EFNA5: variants seen among roughly 807,000 people sequenced by gnomAD.
EFNA5 encodes the protein ephrin A5, also known as ephrin-A5.
A neutral mutation model predicts 22.9 loss-of-function variants in EFNA5; 5 were observed. That is an observed-to-expected ratio of 0.22 (90% CI 0.11 to 0.46). The LOEUF (loss-of-function observed/expected upper bound fraction) is 0.46, where lower values mean the gene tolerates loss of function less well. Among genes scored for constraint, EFNA5 ranks in the 20% least tolerant of loss-of-function variants. EFNA5 has a pLI of 0.99. For synonymous variants in EFNA5, 113 were observed against 112.2 expected, an observed-to-expected ratio of 1.01 and a Z score of -0.04; for missense variants, 237 against 293.3, an observed-to-expected ratio of 0.81 and a Z score of 1.40.
At chr5:107,462,997 C>T (rs1749872499) in intron 1 of EFNA5, among the ~76,000 whole-genome samples, 1 of 152,092 alleles carries the variant, frequency 6.6e-6, no homozygotes. Flanking sequence ...TGGCGTCCAT[C>T]CTGATGCTGA....
intron 1 of EFNA5, among the ~76,000 whole-genome samples, chr5:107,542,497 T>G (rs539001862): frequency 6.6e-6 from 1 of 150,750 alleles, no homozygotes; most frequent in African/African-American, 2.4e-5. Context: ...GCCGCCTGCA[T>G]GCAGGCTGCT....
At chr5:107,414,307 T>G (rs1403981662) in intron 2 of EFNA5, among the ~76,000 whole-genome samples, 1 of 152,224 alleles carries the variant, frequency 6.6e-6, no homozygotes, top group African/African-American at 2.4e-5. Flanking sequence ...ACTACATCTT[T>G]AACTGATCTC....
chr5:107,605,992 T>G (rs1749704730), intron 1 of EFNA5, among the ~76,000 whole-genome samples: 1 of 152,098 alleles, frequency 6.6e-6, no homozygotes. Flanking sequence ...CACTTCAAGG[T>G]GAGAAGGTGA....
At chr5:107,408,467 A>T (rs561028972) in intron 2 of EFNA5, among the ~76,000 whole-genome samples, 1 of 152,312 alleles carries the variant, frequency 6.6e-6, no homozygotes, top group African/African-American at 2.4e-5. Context: ...TTGTAAATGG[A>T]ATAATCACTC....
At chr5:107,489,797 C>T (rs1038508449) in intron 1 of EFNA5, among the ~76,000 whole-genome samples, 2 of 152,176 alleles carry the variant, frequency 1.3e-5, no homozygotes, top group Non-Finnish European at 2.9e-5. Context: ...CTCTGAGTGG[C>T]CTTGCACTGA....
At chr5:107,427,622 T>C in intron 1 of EFNA5, 113 bp from the exon 2 acceptor site, 1 of 923,842 alleles carries the variant, frequency 1.1e-6, no homozygotes. Flanking sequence ...GTATAGTAAG[T>C]TCTTACTGAA....
chr5:107,502,572 C>T (rs1002109584), intron 1 of EFNA5, among the ~76,000 whole-genome samples: 1 of 152,172 alleles, frequency 6.6e-6, no homozygotes, highest in African/African-American at 2.4e-5. Context: ...CAGCACATAA[C>T]TGCTGAAAAG....
intron 1 of EFNA5, among the ~76,000 whole-genome samples, chr5:107,539,997 C>G (rs974968507): frequency 2.6e-5 from 4 of 152,172 alleles, no homozygotes; most frequent in Admixed American, 1.3e-4. Context: ...CAACATCTGC[C>G]TTTCACACAG....
At chr5:107,429,309 G>A (rs1748887691) in intron 1 of EFNA5, among the ~76,000 whole-genome samples, 1 of 152,150 alleles carries the variant, frequency 6.6e-6, no homozygotes, top group African/African-American at 2.4e-5. Flanking sequence ...ACCCAGGCAT[G>A]GTGGCATATG....
At chr5:107,550,423 G>A (rs1390814332) in intron 1 of EFNA5, among the ~76,000 whole-genome samples, 1 of 152,098 alleles carries the variant, frequency 6.6e-6, no homozygotes, top group Non-Finnish European at 1.5e-5. Context: ...CTCCTCTTTT[G>A]ACAGTATTGT....
chr5:107,392,855 C>G (rs926124471), intron 2 of EFNA5, among the ~76,000 whole-genome samples: 1 of 152,246 alleles, frequency 6.6e-6, no homozygotes, highest in East Asian at 1.9e-4. Flanking sequence ...GTTTACATTT[C>G]AAGCTACTGT....
At chr5:107,639,469 G>A (rs1281747653) in intron 1 of EFNA5, among the ~76,000 whole-genome samples, 2 of 152,276 alleles carry the variant, frequency 1.3e-5, no homozygotes, top group Non-Finnish European at 2.9e-5. Context: ...AAATGAAGAT[G>A]GCAGTAATAG....
chr5:107,401,097 C>T (rs185484390), intron 2 of EFNA5, among the ~76,000 whole-genome samples: 1 of 152,274 alleles, frequency 6.6e-6, no homozygotes, highest in Admixed American at 6.5e-5. Flanking sequence ...GGATAACCAT[C>T]CTTTAACATT....
chr5:107,442,375 T>C (rs529590034), intron 1 of EFNA5, among the ~76,000 whole-genome samples: 20 of 152,312 alleles, frequency 1.3e-4, no homozygotes, highest in African/African-American at 4.6e-4. Flanking sequence ...AAAATAGTAG[T>C]TCTTTCCCAG....
chr5:107,466,291 T>C (rs987110613), intron 1 of EFNA5, among the ~76,000 whole-genome samples: 1 of 152,146 alleles, frequency 6.6e-6, no homozygotes, highest in Admixed American at 6.5e-5. Flanking sequence ...GTGCAGGTAT[T>C]AAATGCTGAG....
chr5:107,601,536 T>C (rs1250125956), intron 1 of EFNA5, among the ~76,000 whole-genome samples: 1 of 152,112 alleles, frequency 6.6e-6, no homozygotes, highest in Non-Finnish European at 1.5e-5. Context: ...GAGAGCAAAA[T>C]AACATGAAAA....
chr5:107,639,033 A>G (rs1277359154), intron 1 of EFNA5, among the ~76,000 whole-genome samples: 2 of 152,230 alleles, frequency 1.3e-5, no homozygotes, highest in Non-Finnish European at 1.5e-5. Flanking sequence ...CTGTAAAAGC[A>G]TATAGAAAGC....
chr5:107,392,764 A>G (rs1747822786), intron 2 of EFNA5, among the ~76,000 whole-genome samples: 1 of 152,228 alleles, frequency 6.6e-6, no homozygotes, highest in African/African-American at 2.4e-5. Context: ...ATGTTCTGCT[A>G]ATGGCCAGCA....
chr5:107,404,314 T>C (rs1325824498), intron 2 of EFNA5, among the ~76,000 whole-genome samples: 1 of 152,240 alleles, frequency 6.6e-6, no homozygotes, highest in Non-Finnish European at 1.5e-5. Flanking sequence ...TGTTTTAGGA[T>C]TCTTTTCACT....
Sources: allele counts gnomAD v4.1 joint callset (sites outside exome capture counted in the v4.1 genomes callset), GRCh38; gene constraint gnomAD v4.1.1; transcripts MANE v1.5; gene names NCBI Gene and HGNC (gene_info 2026-07-23, HGNC 2026-07-21).